Variants in CD300LG observed in about 807,000 individuals in gnomAD.
The protein encoded by CD300LG is CD300 molecule like family member g.
Under a neutral mutation model 31.5 loss-of-function variants are expected in CD300LG, and 29 were observed. The ratio of observed to expected loss-of-function variants is 0.92; its 90% confidence interval spans 0.68 to 1.25. The LOEUF is 1.25. CD300LG is among the 50% of genes most tolerant of loss of function. The probability of loss-of-function intolerance (pLI) is 0.00; values close to 1 mark genes in which losing one functional copy is unlikely to be tolerated. For missense variants in CD300LG, 396 were observed against 417.6 expected, an observed-to-expected ratio of 0.95 and a Z score of 0.45; for synonymous variants, 175 against 177.2, an observed-to-expected ratio of 0.99 and a Z score of 0.10.
intron 2 of CD300LG, among the ~76,000 whole-genome samples, chr17:43,851,203 T>C (rs188153755): frequency 6.6e-6 from 1 of 151,420 alleles, no homozygotes; most frequent in East Asian, 1.9e-4. Context: ...ATACTCTGTA[T>C]TTGCAAAAGA....
chr17:43,858,027 A>G, intron 6 of CD300LG: 2 of 1,451,476 alleles, frequency 1.4e-6, no homozygotes, highest in Non-Finnish European at 1.8e-6. Flanking sequence ...AGGCAACAGA[A>G]GCCCCTCCTG....
intron 1 of CD300LG, among the ~76,000 whole-genome samples, 156 bp downstream of exon 1, chr17:43,847,415 G>C (rs1317553222): frequency 6.6e-6 from 1 of 152,174 alleles, no homozygotes; most frequent in Non-Finnish European, 1.5e-5. Context: ...GGAGGTGGGG[G>C]TGGCGCCGGG....
In CD300LG at chr17:43,847,186, G is replaced by C; in HGVS notation, c.-31G>C. The stretch of plus-strand genomic sequence containing the variant: ...ACTGAAGAGGAGCTCACAGTTCCCA[G>C]CGTCTGCTCCCACGGTGTCCAGCGC... On this transcript the variant is annotated 5_prime_UTR_variant, in exon 1 of 7. Coordinates refer to ENST00000317310, the MANE Select transcript of CD300LG (RefSeq NM_145273.4). The C allele has an allele frequency of 6.2e-7, 1 of 1,612,724 alleles. No homozygotes were observed. Among genetic ancestry groups the C allele is most frequent in the Non-Finnish European group, 8.5e-7 (1 of 1,179,370 alleles).
At position 43,853,880 on chromosome 17, in the gene CD300LG, A is replaced by C. The variant is rs1182962083; in HGVS notation, c.555A>C (p.Pro185=). ...CAGGGGCTGAGGCCCCTCCATTGCC[A>C]GGGACTTCCCAGTACGGGCACGAAA... ...GKTGAEAPPL[P]GTSQYGHERT... Residue 185 remains proline, a synonymous_variant, in exon 4 of 7, where the codon CCA becomes CCC. Coordinates refer to ENST00000317310, the MANE Select transcript of CD300LG (RefSeq NM_145273.4). 6.2e-7 allele frequency: 1 copy of C among 1,614,154 alleles called. No homozygotes were observed. Among genetic ancestry groups the C allele is most frequent in the South Asian group, 1.1e-5 (1 of 91,084 alleles).
chr17:43,857,176 G>C lies in CD300LG; in HGVS notation c.885+20G>C. 1 of 1,613,672 alleles carries C rather than the reference G, an allele frequency of 6.2e-7. No homozygotes were observed. The highest frequency in any genetic ancestry group is 8.5e-7 in the Non-Finnish European group (1 of 1,179,638). ...CGCTTGGTAAGGACAGAGGCATATGGAAGCCCAAGCTCAGATCCCCTTGGG... is the reference window on the plus strand; with the variant it reads ...CGCTTGGTAAGGACAGAGGCATATGCAAGCCCAAGCTCAGATCCCCTTGGG... On this transcript the variant is annotated intron_variant, in intron 6 of 6. Transcript: ENST00000317310.
intron 6 of CD300LG, among the ~76,000 whole-genome samples, chr17:43,859,351 G>A (rs1043487831): frequency 6.6e-6 from 1 of 152,200 alleles, no homozygotes. Context: ...TAGAAGCAGA[G>A]CTCTGATATA....
chr17:43,862,349 A>C lies in CD300LG; in HGVS notation c.*438A>C, dbSNP rs1247146334. The C allele has an allele frequency of 6.5e-6, 1 of 152,756 alleles. No individual in the cohort carries two copies. Among genetic ancestry groups the C allele is most frequent in the Non-Finnish European group, 1.5e-5 (1 of 68,492 alleles). 9.5% of individuals were successfully genotyped at this position (152,756 alleles called of 1,614,324 possible). On this transcript the variant is annotated 3_prime_UTR_variant, in exon 7 of 7. Coordinates refer to ENST00000317310, the MANE Select transcript of CD300LG (RefSeq NM_145273.4). ...CAGACTTAGTCCCACGGTCTCCTGC[A>C]TCAGCTGGTGATGAAGAGGAGCATG... is the stretch of plus-strand genomic sequence containing the variant.
chr17:43,848,736 A>G lies in CD300LG; in HGVS notation c.222A>G (p.Thr74=), dbSNP rs1567845804. 1 of 1,614,140 alleles carries G rather than the reference A, an allele frequency of 6.2e-7. No individual in the cohort carries two copies. Among genetic ancestry groups the G allele is most frequent in the South Asian group, 1.1e-5 (1 of 91,068 alleles). ...TIYAEEEGQE[T]MKGRVSIRDS... The stretch of plus-strand genomic sequence containing the variant: ...ATGCAGAAGAAGAAGGCCAGGAGAC[A>G]ATGAAGGGCAGGGTGTCCATCCGTG... Residue 74 remains threonine, a synonymous_variant, in exon 2 of 7, where the codon ACA becomes ACG. Transcript: ENST00000317310.
chr17:43,849,155 C>T (rs2046276333), intron 2 of CD300LG: 7 of 550,078 alleles, frequency 1.3e-5, no homozygotes, highest in African/African-American at 7.5e-5. Context: ...CTGGGCTCGG[C>T]GCCTTTCCTT....
At chr17:43,859,451 A>G (rs1028748776) in intron 6 of CD300LG, among the ~76,000 whole-genome samples, 18 of 152,086 alleles carry the variant, frequency 1.2e-4, no homozygotes, top group Non-Finnish European at 2.2e-4. Context: ...GGCAGGGGAG[A>G]GGTTGCAAAT....
chr17:43,853,054 C>A (rs2046407237), intron 3 of CD300LG, 41 bp downstream of exon 3: 1 of 1,544,544 alleles, frequency 6.5e-7, no homozygotes, highest in Non-Finnish European at 8.9e-7. Flanking sequence ...TGCCACCCTT[C>A]TTACAGAAGC....
chr17:43,854,786 T>C (rs1490974681), intron 4 of CD300LG, among the ~76,000 whole-genome samples: 1 of 152,148 alleles, frequency 6.6e-6, no homozygotes, highest in Non-Finnish European at 1.5e-5. Context: ...CCTACCTAGT[T>C]ATACAGGGGT....
chr17:43,850,560 T>C (rs2143305022), intron 2 of CD300LG, among the ~76,000 whole-genome samples: 1 of 152,186 alleles, frequency 6.6e-6, no homozygotes, highest in South Asian at 2.1e-4. Flanking sequence ...AACCTCTGCC[T>C]CCCAGGCTCA....
chr17:43,861,767 T>C, intron 6 of CD300LG, 31 bp from the exon 7 acceptor site: 1 of 1,467,192 alleles, frequency 6.8e-7, no homozygotes, highest in Admixed American at 2.2e-5. Flanking sequence ...ATCTGGGTTC[T>C]GCTCTCCAAA....
intron 5 of CD300LG, among the ~76,000 whole-genome samples, chr17:43,856,818 AT>A (rs1411067199): frequency 2.0e-5 from 3 of 152,214 alleles, no homozygotes; most frequent in Non-Finnish European, 4.4e-5. Flanking sequence ...AGGGGGTCCT[AT>A]GTGCACACTA....
At chr17:43,859,284 C>G (rs2046605737) in intron 6 of CD300LG, among the ~76,000 whole-genome samples, 1 of 152,230 alleles carries the variant, frequency 6.6e-6, no homozygotes, top group South Asian at 2.1e-4. Context: ...CCGATCAGAA[C>G]TCAGCCCTGG....
Position 43,847,187 on chromosome 17 carries a change from C to T in CD300LG, c.-30C>T, listed in dbSNP as rs1250007633. ...CTGAAGAGGAGCTCACAGTTCCCAG[C>T]GTCTGCTCCCACGGTGTCCAGCGCC... On this transcript the variant is annotated 5_prime_UTR_variant, in exon 1 of 7. Coordinates refer to ENST00000317310, the MANE Select transcript of CD300LG (RefSeq NM_145273.4). 1.2e-6 allele frequency: 2 copies of T among 1,612,664 alleles called. No homozygotes were observed. Among genetic ancestry groups the T allele is most frequent in the African/African-American group, 1.3e-5 (1 of 75,042 alleles).
Position 43,852,716 on chromosome 17 carries a change from G to A in CD300LG, c.380-196G>A, listed in dbSNP as rs186464966. On this transcript the variant is annotated intron_variant, in intron 2 of 6. Coordinates refer to ENST00000317310, the MANE Select transcript of CD300LG (RefSeq NM_145273.4). ...GTGGGTTTGAGGCTCTGAGCTAGGCGCGAGGCCAGGGGGCTGCAGGAGTAG... is the reference window on the plus strand; with the variant it reads ...GTGGGTTTGAGGCTCTGAGCTAGGCACGAGGCCAGGGGGCTGCAGGAGTAG... Among the ~76,000 whole-genome samples, 683 of 152,340 alleles carry A rather than the reference G, an allele frequency of 4.5e-3. 7 individuals are homozygous for A. The highest frequency in any genetic ancestry group is 8.2e-3 in the Admixed American group (126 of 15,298).
intron 4 of CD300LG, among the ~76,000 whole-genome samples, 195 bp downstream of exon 4, chr17:43,854,239 G>T (rs938364005): frequency 1.3e-5 from 2 of 152,240 alleles, no homozygotes; most frequent in African/African-American, 4.8e-5. Flanking sequence ...CAGCAGCTCT[G>T]CTGCCTGTCC....
Sources: allele counts gnomAD v4.1 joint callset (sites outside exome capture counted in the v4.1 genomes callset), GRCh38; gene constraint gnomAD v4.1.1; transcripts MANE v1.5; gene names NCBI Gene and HGNC (gene_info 2026-07-23, HGNC 2026-07-21).